TMEM163: variants seen among roughly 807,000 people sequenced by gnomAD.
The protein encoded by TMEM163 is transmembrane protein 163.
Under a neutral mutation model 29.3 loss-of-function variants are expected in TMEM163, and 17 were observed. That is an observed-to-expected ratio of 0.58 (90% CI 0.40 to 0.87). TMEM163 has a LOEUF of 0.87. TMEM163 is among the 40% of genes least tolerant of loss of function. The pLI is 0.00. For synonymous variants in TMEM163, 157 were observed against 160.6 expected, an observed-to-expected ratio of 0.98 and a Z score of 0.17; for missense variants, 303 against 381.5, an observed-to-expected ratio of 0.79 and a Z score of 1.71.
intron 4 of TMEM163, among the ~76,000 whole-genome samples, chr2:134,506,702 G>C (rs996935492): frequency 4.6e-5 from 7 of 152,208 alleles, no homozygotes; most frequent in Non-Finnish European, 1.0e-4. Flanking sequence ...CACCACCACT[G>C]CCCTGGGACT....
chr2:134,505,837 T>G (rs899783958), intron 4 of TMEM163, among the ~76,000 whole-genome samples: 3 of 152,204 alleles, frequency 2.0e-5, no homozygotes, highest in African/African-American at 7.2e-5. Flanking sequence ...TCGTAGGTAA[T>G]TTATTGCTTA....
intron 5 of TMEM163, among the ~76,000 whole-genome samples, chr2:134,486,409 G>A (rs1244471563): frequency 4.0e-5 from 6 of 151,590 alleles, no homozygotes; most frequent in East Asian, 1.9e-4. Flanking sequence ...TCGAAAAGAC[G>A]AGGACATACA....
At chr2:134,692,076 G>A (rs1460199477) in intron 2 of TMEM163, among the ~76,000 whole-genome samples, 1 of 152,096 alleles carries the variant, frequency 6.6e-6, no homozygotes, top group Non-Finnish European at 1.5e-5. Flanking sequence ...TTGACACAGG[G>A]AGAAGTAGAG....
chr2:134,691,039 G>A (rs1048648069), intron 2 of TMEM163, among the ~76,000 whole-genome samples: 2 of 152,178 alleles, frequency 1.3e-5, no homozygotes, highest in African/African-American at 4.8e-5. Flanking sequence ...AGTGTGGCTG[G>A]CGGGAATGGT....
intron 2 of TMEM163, among the ~76,000 whole-genome samples, chr2:134,595,819 G>C (rs1215684162): frequency 6.6e-6 from 1 of 152,214 alleles, no homozygotes; most frequent in East Asian, 1.9e-4. Context: ...TAACTGGTGT[G>C]AGATAGTAAC....
chr2:134,674,706 G>A (rs1684076729), intron 2 of TMEM163, among the ~76,000 whole-genome samples: 1 of 151,954 alleles, frequency 6.6e-6, no homozygotes, highest in Admixed American at 6.6e-5. Flanking sequence ...GCCAAAGAAG[G>A]CCATGAAGAG....
chr2:134,466,274 G>T, intron 5 of TMEM163, 49 bp from the exon 6 acceptor site: 2 of 1,486,480 alleles, frequency 1.3e-6, no homozygotes, highest in Non-Finnish European at 1.9e-6. Context: ...TGCTGGAGCA[G>T]ATCATCTGCA....
intron 2 of TMEM163, among the ~76,000 whole-genome samples, chr2:134,706,044 GGGCA>G (rs1293389446): frequency 6.6e-6 from 1 of 152,214 alleles, no homozygotes; most frequent in African/African-American, 2.4e-5. Flanking sequence ...AAGGGAGGCA[GGGCA>G]GGCAGGCAGC....
intron 2 of TMEM163, among the ~76,000 whole-genome samples, chr2:134,661,958 G>A (rs1316373948): frequency 9.9e-5 from 12 of 121,114 alleles, no homozygotes; most frequent in Non-Finnish European, 1.8e-4. Context: ...TTGAGATGGA[G>A]TCTTGCTCTG....
intron 5 of TMEM163, among the ~76,000 whole-genome samples, chr2:134,474,357 C>G (rs1370890334): frequency 6.6e-6 from 1 of 152,118 alleles, no homozygotes; most frequent in Non-Finnish European, 1.5e-5. Flanking sequence ...AAGCCAAAGA[C>G]TTCTCAGCAC....
At chr2:134,649,498 C>A (rs969151794) in intron 2 of TMEM163, among the ~76,000 whole-genome samples, 1 of 152,158 alleles carries the variant, frequency 6.6e-6, no homozygotes, top group Non-Finnish European at 1.5e-5. Flanking sequence ...AAGAGCATAA[C>A]AATCTGGTAA....
chr2:134,679,412 A>G (rs1176778795), intron 2 of TMEM163, among the ~76,000 whole-genome samples: 2 of 152,190 alleles, frequency 1.3e-5, no homozygotes, highest in South Asian at 2.1e-4. Context: ...CAAGACTGGC[A>G]TTTCAAGTAG....
intron 2 of TMEM163, among the ~76,000 whole-genome samples, chr2:134,584,403 C>T (rs1681764205): frequency 6.6e-6 from 1 of 152,126 alleles, no homozygotes; most frequent in African/African-American, 2.4e-5. Flanking sequence ...CACTAAGATC[C>T]TACAAGGCAG....
At chr2:134,636,502 C>G (rs1683108321) in intron 2 of TMEM163, among the ~76,000 whole-genome samples, 1 of 152,220 alleles carries the variant, frequency 6.6e-6, no homozygotes, top group Non-Finnish European at 1.5e-5. Context: ...CCAACTTCAT[C>G]TTGCTTCTAA....
intron 2 of TMEM163, among the ~76,000 whole-genome samples, chr2:134,582,835 G>A (rs1235510050): frequency 6.6e-6 from 1 of 152,050 alleles, no homozygotes; most frequent in Non-Finnish European, 1.5e-5. Context: ...CATCCTGAGA[G>A]GAGGAAAGGT....
chr2:134,637,175 A>T (rs1296283980), intron 2 of TMEM163, among the ~76,000 whole-genome samples: 1 of 150,110 alleles, frequency 6.7e-6, no homozygotes, highest in Non-Finnish European at 1.5e-5. Context: ...ATTGATGAGA[A>T]AAATCATCCA....
chr2:134,704,568 TA>T (rs1684766705), intron 2 of TMEM163, among the ~76,000 whole-genome samples: 1 of 152,142 alleles, frequency 6.6e-6, no homozygotes, highest in Non-Finnish European at 1.5e-5. Context: ...GAGTCTCCCT[TA>T]GTCCCTCGCC....
At position 134,456,627 on chromosome 2, in the gene TMEM163, A is replaced by G; in HGVS notation, c.*89T>C. 1 of 1,494,206 alleles carries G rather than the reference A, an allele frequency of 6.7e-7. No individual in the cohort carries two copies. 92.6% of individuals were successfully genotyped at this position (1,494,206 alleles called of 1,614,324 possible). ...AACCATGTGAAAGAAAACTTCCAAA[A>G]AGAAACCAGATGTTCAGTTAAATAT... On this transcript the variant is annotated 3_prime_UTR_variant, in exon 8 of 8. Transcript: ENST00000281924.
intron 4 of TMEM163, among the ~76,000 whole-genome samples, chr2:134,521,634 G>A (rs1680190913): frequency 6.6e-6 from 1 of 152,190 alleles, no homozygotes; most frequent in African/African-American, 2.4e-5. Flanking sequence ...AACCCACAAA[G>A]CCAACAGAAC....
Sources: gnomAD v4.1 joint callset for allele counts (sites outside exome capture counted in the v4.1 genomes callset) on GRCh38, gnomAD v4.1.1 for gene constraint, MANE v1.5 for transcripts, NCBI Gene and HGNC (gene_info 2026-07-23, HGNC 2026-07-21) for gene names.